BCAS3: variants seen among roughly 807,000 people sequenced by gnomAD.
BCAS3 encodes BCAS4/BCAS3 fusion.
Under a neutral mutation model 116.1 loss-of-function variants are expected in BCAS3, and 53 were observed. The observed-to-expected ratio is 0.46, with a 90% CI of 0.37 to 0.57. The LOEUF (loss-of-function observed/expected upper bound fraction) is 0.57. Among genes scored for constraint, BCAS3 ranks in the 20% least tolerant of loss-of-function variants. The pLI is 0.00. For missense variants in BCAS3, 917 were observed against 1,165.4 expected (o/e 0.79, Z 3.10); for synonymous variants, 391 against 408.2 (o/e 0.96, Z 0.51).
chr17:61,115,780 A>T (rs1329338345), intron 22 of BCAS3, among the ~76,000 whole-genome samples: 1 of 149,542 alleles, frequency 6.7e-6, no homozygotes, highest in Non-Finnish European at 1.5e-5. Flanking sequence ...TGCTATAAAG[A>T]CACATGCACA....
chr17:60,767,406 G>A (rs1307463114), intron 6 of BCAS3, among the ~76,000 whole-genome samples: 2 of 145,876 alleles, frequency 1.4e-5, no homozygotes, highest in African/African-American at 2.6e-5. Flanking sequence ...GTGCAGTGGC[G>A]TGATCTCGGC....
At chr17:60,717,196 T>C (rs2038713358) in intron 5 of BCAS3, among the ~76,000 whole-genome samples, 1 of 151,746 alleles carries the variant, frequency 6.6e-6, no homozygotes, top group Non-Finnish European at 1.5e-5. Flanking sequence ...TCTTTCTTTT[T>C]CTTTTCTTCT....
intron 22 of BCAS3, among the ~76,000 whole-genome samples, chr17:61,341,854 T>C (rs1376083691): frequency 6.6e-6 from 1 of 152,250 alleles, no homozygotes; most frequent in Non-Finnish European, 1.5e-5. Context: ...GGGTACTCCC[T>C]TTCAGGGATG....
At chr17:60,799,713 T>C (rs543351376) in intron 6 of BCAS3, among the ~76,000 whole-genome samples, 29 of 116,980 alleles carry the variant, frequency 2.5e-4, no homozygotes, top group East Asian at 1.5e-3. Flanking sequence ...CTTTTCTTTT[T>C]TTTTTTTTTT....
chr17:60,896,441 A>C (rs957606080), intron 10 of BCAS3, among the ~76,000 whole-genome samples: 3 of 152,186 alleles, frequency 2.0e-5, no homozygotes, highest in Non-Finnish European at 4.4e-5. Context: ...ATTTCAGTTT[A>C]TCTCTCTCTT....
At chr17:60,998,855 T>A (rs2064023963) in intron 15 of BCAS3, among the ~76,000 whole-genome samples, 1 of 152,176 alleles carries the variant, frequency 6.6e-6, no homozygotes, top group Non-Finnish European at 1.5e-5. Flanking sequence ...TTGTTGCATT[T>A]GCTTTTGAGG....
rs768016454 is a variant in BCAS3 at position 61,302,893 on chromosome 17, G to A, written c.2426-65434G>A. 6.6e-6 allele frequency among the ~76,000 whole-genome samples: 1 copy of A among 152,138 alleles called. No homozygotes were observed. Among genetic ancestry groups the A allele is most frequent in the Admixed American group, 6.5e-5 (1 of 15,276 alleles). On this transcript the variant is annotated intron_variant, in intron 22 of 23. Transcript: ENST00000407086. This position sits in a 1 kb window ranked among gnomAD's most constrained non-coding sequence, Gnocchi z 4.4. The stretch of plus-strand genomic sequence containing the variant: ...TCTAAATTCCTTTTCCACGAAATAC[G>A]GGCTTTGAGAGAGAAGACCATCTAT...
chr17:60,678,334 G>A (rs1164364482), intron 1 of BCAS3, among the ~76,000 whole-genome samples: 1 of 152,166 alleles, frequency 6.6e-6, no homozygotes, highest in African/African-American at 2.4e-5. Context: ...GAGGTGGGGC[G>A]CACAGGTTTA....
chr17:61,275,747 G>C (rs2144648685), intron 22 of BCAS3, among the ~76,000 whole-genome samples: 1 of 152,310 alleles, frequency 6.6e-6, no homozygotes, highest in South Asian at 2.1e-4. Flanking sequence ...AGCCCGGCAG[G>C]CTGGCCAGCA....
At chr17:61,036,820 T>C (rs1312601893) in intron 17 of BCAS3, among the ~76,000 whole-genome samples, 1 of 152,216 alleles carries the variant, frequency 6.6e-6, no homozygotes, top group Non-Finnish European at 1.5e-5. Flanking sequence ...TGATCTTCAT[T>C]TACCATGGCG....
chr17:60,978,821 G>A (rs1258635510), intron 14 of BCAS3, among the ~76,000 whole-genome samples: 1 of 142,412 alleles, frequency 7.0e-6, no homozygotes, highest in Non-Finnish European at 1.5e-5. Context: ...GTAGATATGC[G>A]GCGTTATTTC....
At chr17:60,982,567 G>T (rs2062879088) in intron 14 of BCAS3, among the ~76,000 whole-genome samples, 1 of 152,122 alleles carries the variant, frequency 6.6e-6, no homozygotes, top group Non-Finnish European at 1.5e-5. Context: ...TTTCTTAAGG[G>T]AAGACTTTCT....
At chr17:61,129,292 GTTGT>G (rs761349824) in intron 22 of BCAS3, among the ~76,000 whole-genome samples, 90 of 152,276 alleles carry the variant, frequency 5.9e-4, no homozygotes, top group South Asian at 1.0e-3. Flanking sequence ...TGTTGTTGTT[GTTGT>G]TTGTTTGTAA....
chr17:60,694,512 T>A (rs967189321), intron 4 of BCAS3, among the ~76,000 whole-genome samples: 8 of 151,550 alleles, frequency 5.3e-5, no homozygotes, highest in Admixed American at 1.3e-4. Context: ...AAAAAAAAAA[T>A]TTATTGATCA....
Position 61,199,910 on chromosome 17 carries a change from G to T in BCAS3, c.2425+115346G>T, listed in dbSNP as rs1188825490. ...AACCTCTTAACCTTACGGGTTATAG[G>T]TCTCTTGCTTTTTGATCTTTCTTGG... On this transcript the variant is annotated intron_variant, in intron 22 of 23. Coordinates refer to ENST00000407086, the MANE Select transcript of BCAS3 (RefSeq NM_017679.5). The surrounding 1 kb of genome is among the most constrained non-coding windows in gnomAD (Gnocchi z 4.6). 6.6e-6 allele frequency among the ~76,000 whole-genome samples: 1 copy of T among 152,036 alleles called. No homozygotes were observed. The highest frequency in any genetic ancestry group is 1.9e-4 in the East Asian group (1 of 5,188).
intron 5 of BCAS3, chr17:60,720,372 A>G (rs1192841196): frequency 6.6e-6 from 1 of 152,144 alleles, no homozygotes; most frequent in Non-Finnish European, 1.5e-5. Flanking sequence ...CTTGAGCTCA[A>G]GTGATCCTCC....
In BCAS3 at chr17:61,095,876, A is replaced by T. The variant is rs979166839; in HGVS notation, c.2425+11312A>T. Among the ~76,000 whole-genome samples the T allele has an allele frequency of 6.8e-6, 1 of 147,536 alleles. No homozygotes were observed. The highest frequency in any genetic ancestry group is 2.7e-5 in the African/African-American group (1 of 37,526). On this transcript the variant is annotated intron_variant, in intron 22 of 23. Transcript: ENST00000407086. The surrounding 1 kb of genome is among the most constrained non-coding windows in gnomAD (Gnocchi z 4.7). ...ACACACACACACACACACACACATT[A>T]AATTACTAGTTTGTTTGTTTATTTC... is the stretch of plus-strand genomic sequence containing the variant.
At chr17:60,728,770 C>G (rs932091654) in intron 5 of BCAS3, among the ~76,000 whole-genome samples, 1 of 152,170 alleles carries the variant, frequency 6.6e-6, no homozygotes, top group African/African-American at 2.4e-5. Flanking sequence ...TGAGCCACCA[C>G]ACCCGATAAT....
intron 22 of BCAS3, chr17:61,157,622 C>G (rs2144039967): frequency 6.9e-6 from 1 of 145,314 alleles, no homozygotes; most frequent in South Asian, 2.3e-4. Context: ...GCCCCCATTC[C>G]CAATGGGAGT....
Sources: allele counts gnomAD v4.1 joint callset (sites outside exome capture counted in the v4.1 genomes callset), GRCh38; gene constraint gnomAD v4.1.1; non-coding constraint Gnocchi (gnomAD v3.1); transcripts MANE v1.5; gene names NCBI Gene and HGNC (gene_info 2026-07-23, HGNC 2026-07-21).